SLC9D1: variants seen among roughly 807,000 people sequenced by gnomAD.
The protein encoded by SLC9D1 is solute carrier family 9 member D1.
At chr13:113,548,072 T>A in the SLC9D1 span, among the ~76,000 whole-genome samples, 1 of 152,216 alleles carries the variant, frequency 6.6e-6, no homozygotes, top group Non-Finnish European at 1.5e-5. Context: ...TTTCTGCTAA[T>A]GAACCGAAAG....
At chr13:113,507,956 C>G in the SLC9D1 span, among the ~76,000 whole-genome samples, 1 of 152,240 alleles carries the variant, frequency 6.6e-6, no homozygotes, top group Non-Finnish European at 1.5e-5. Context: ...AGGCAGCCAT[C>G]TGGGGGGCTT....
the SLC9D1 span, among the ~76,000 whole-genome samples, chr13:113,544,633 G>A: frequency 6.6e-5 from 10 of 152,352 alleles, no homozygotes; most frequent in South Asian, 6.2e-4. Flanking sequence ...ATCTCTCACC[G>A]TTGTGGGGGC....
At chr13:113,549,648 C>G in the SLC9D1 span, 1 of 1,286,630 alleles carries the variant, frequency 7.8e-7, no homozygotes, top group Non-Finnish European at 1.1e-6. Flanking sequence ...CAGAACAGCC[C>G]TCTAGCAGAG....
chr13:113,543,703 C>T, the SLC9D1 span, among the ~76,000 whole-genome samples: 1 of 150,138 alleles, frequency 6.7e-6, no homozygotes, highest in Non-Finnish European at 1.5e-5. Context: ...TGGCGTGTGA[C>T]CTGGTGTCTT....
the SLC9D1 span, among the ~76,000 whole-genome samples, chr13:113,531,812 T>G: frequency 6.6e-6 from 1 of 152,252 alleles, no homozygotes; most frequent in Non-Finnish European, 1.5e-5. Context: ...GCACTGTGGC[T>G]TCTGATTGGC....
the SLC9D1 span, among the ~76,000 whole-genome samples, chr13:113,515,859 C>G: frequency 3.5e-5 from 5 of 144,596 alleles, no homozygotes; most frequent in African/African-American, 5.3e-5. Context: ...CCACTGCACT[C>G]CAGCCTGGTT....
the SLC9D1 span, among the ~76,000 whole-genome samples, chr13:113,515,381 A>C: frequency 6.6e-6 from 1 of 152,218 alleles, no homozygotes; most frequent in African/African-American, 2.4e-5. Context: ...ACATACATGC[A>C]AACTTTTACA....
the SLC9D1 span, chr13:113,520,820 G>A: frequency 6.0e-6 from 6 of 1,002,636 alleles, no homozygotes; most frequent in African/African-American, 1.6e-5. Context: ...CCAAAGAGAT[G>A]TTCTGAGCTC....
chr13:113,502,617 TG>T, the SLC9D1 span, among the ~76,000 whole-genome samples: 13 of 152,322 alleles, frequency 8.5e-5, no homozygotes, highest in Admixed American at 4.6e-4. Context: ...GTCACACTGA[TG>T]GCACTTCTGA....
the SLC9D1 span, among the ~76,000 whole-genome samples, chr13:113,547,640 C>T: frequency 2.0e-5 from 3 of 152,192 alleles, no homozygotes; most frequent in African/African-American, 7.2e-5. Context: ...ACCCTCAGGA[C>T]GGGCCTTGGC....
the SLC9D1 span, chr13:113,496,063 G>A: frequency 1.6e-5 from 23 of 1,412,108 alleles, no homozygotes; most frequent in Non-Finnish European, 2.0e-5. Context: ...AGAGGGAGAG[G>A]GAGAGAGAGG....
At chr13:113,522,589 C>T in the SLC9D1 span, among the ~76,000 whole-genome samples, 1 of 152,170 alleles carries the variant, frequency 6.6e-6, no homozygotes, top group Non-Finnish European at 1.5e-5. Flanking sequence ...ATCTACCCAC[C>T]TCGGCCTCCC....
the SLC9D1 span, among the ~76,000 whole-genome samples, chr13:113,522,753 T>G: frequency 6.6e-6 from 1 of 152,156 alleles, no homozygotes; most frequent in Non-Finnish European, 1.5e-5. Context: ...CTGCCCAGCC[T>G]TCCGAGCAGC....
At chr13:113,493,544 T>A in the SLC9D1 span, among the ~76,000 whole-genome samples, 1 of 152,192 alleles carries the variant, frequency 6.6e-6, no homozygotes, top group Non-Finnish European at 1.5e-5. Context: ...GTTTTTAAGG[T>A]GGTAAATGTG....
the SLC9D1 span, chr13:113,510,452 G>A: frequency 1.3e-6 from 2 of 1,595,428 alleles, no homozygotes; most frequent in African/African-American, 1.3e-5. Flanking sequence ...CTGAGTGCGT[G>A]TCTAATTCAT....
chr13:113,537,395 C>T, the SLC9D1 span, among the ~76,000 whole-genome samples: 5 of 152,248 alleles, frequency 3.3e-5, no homozygotes, highest in East Asian at 7.7e-4. Context: ...GGCCGTGTCG[C>T]GTGGCGGCTT....
chr13:113,501,615 T>C, the SLC9D1 span: 1 of 645,086 alleles, frequency 1.6e-6, no homozygotes, highest in African/African-American at 1.9e-5. Context: ...ATGAGGAAAA[T>C]CGGTGGTTTT....
At chr13:113,523,402 T>C in the SLC9D1 span, among the ~76,000 whole-genome samples, 1 of 152,198 alleles carries the variant, frequency 6.6e-6, no homozygotes, top group East Asian at 1.9e-4. Flanking sequence ...TTTTGAGGAA[T>C]TGTTCCACTC....
the SLC9D1 span, chr13:113,549,585 G>C: frequency 6.2e-7 from 1 of 1,612,160 alleles, no homozygotes. Flanking sequence ...TGTGGGGAGT[G>C]AGCGCTTAGA....
Sources: gnomAD v4.1 joint callset for allele counts (sites outside exome capture counted in the v4.1 genomes callset) on GRCh38, gnomAD v4.1.1 for gene constraint, MANE v1.5 for transcripts, NCBI Gene and HGNC (gene_info 2026-07-23, HGNC 2026-07-21) for gene names.